The following ANO4 variants were observed in gnomAD, a reference collection of about 807,000 sequenced individuals.
ANO4 encodes anoctamin-4.
A neutral mutation model predicts 141.9 loss-of-function variants in ANO4; 69 were observed. The observed-to-expected ratio is 0.49, with a 90% CI of 0.40 to 0.59. ANO4 has a LOEUF of 0.59. Among genes scored for constraint, ANO4 ranks in the 20% least tolerant of loss-of-function variants. ANO4 has a pLI of 0.00. For synonymous variants in ANO4, 350 were observed against 394.3 expected (o/e 0.89, Z 1.33); for missense variants, 894 against 1,162.2 (o/e 0.77, Z 3.36).
chr12:100,772,962 C>T (rs1272000771), intron 3 of ANO4, among the ~76,000 whole-genome samples: 1 of 152,194 alleles, frequency 6.6e-6, no homozygotes, highest in African/African-American at 2.4e-5. Context: ...TCTTTCTCTC[C>T]TGTTAGAGGT....
intron 14 of ANO4, among the ~76,000 whole-genome samples, chr12:101,065,032 G>A (rs675938): frequency 0.24 from 36,223 of 152,064 alleles, 4,714 homozygotes; most frequent in East Asian, 0.56. Flanking sequence ...TCATCGAAGT[G>A]CAAGAGTATT....
intron 1 of ANO4, among the ~76,000 whole-genome samples, chr12:100,896,426 A>G (rs1299075729): frequency 6.6e-6 from 1 of 151,580 alleles, no homozygotes; most frequent in Non-Finnish European, 1.5e-5. Flanking sequence ...GAAGGAGGCA[A>G]GGAATGGATT....
At chr12:101,020,555 A>C (rs1214368969) in intron 9 of ANO4, among the ~76,000 whole-genome samples, 1 of 152,222 alleles carries the variant, frequency 6.6e-6, no homozygotes, top group East Asian at 1.9e-4. Flanking sequence ...GAGTGAGTTC[A>C]AGCTGAGATT....
At chr12:101,054,194 A>G (rs2047998766) in intron 14 of ANO4, among the ~76,000 whole-genome samples, 1 of 129,670 alleles carries the variant, frequency 7.7e-6, no homozygotes. Flanking sequence ...AGCAGCTATT[A>G]TAAATTGCTC....
chr12:100,871,494 T>G (rs983814490), intron 1 of ANO4, among the ~76,000 whole-genome samples: 5 of 152,254 alleles, frequency 3.3e-5, no homozygotes, highest in African/African-American at 1.2e-4. Flanking sequence ...CCTTCTGTTA[T>G]AGCACTGAGC....
intron 1 of ANO4, among the ~76,000 whole-genome samples, chr12:100,844,409 T>C (rs1438475848): frequency 1.3e-5 from 2 of 152,144 alleles, no homozygotes; most frequent in Non-Finnish European, 2.9e-5. Context: ...CCCTGTGTTC[T>C]TAGGATAATG....
At chr12:100,933,214 C>T (rs1387973733) in intron 3 of ANO4, among the ~76,000 whole-genome samples, 1 of 151,824 alleles carries the variant, frequency 6.6e-6, no homozygotes, top group African/African-American at 2.4e-5. Flanking sequence ...TGGTTTGTTG[C>T]ACCCATCAAC....
chr12:101,085,174 G>T (rs192786849), intron 16 of ANO4, among the ~76,000 whole-genome samples: 2 of 152,298 alleles, frequency 1.3e-5, no homozygotes, highest in African/African-American at 4.8e-5. Flanking sequence ...CTCTAAATCA[G>T]CAGAGGCCTT....
chr12:100,989,975 AGATGGATGGATGGATGGATG>A (rs58082088), intron 8 of ANO4, among the ~76,000 whole-genome samples: 3 of 131,754 alleles, frequency 2.3e-5, no homozygotes, highest in East Asian at 2.5e-4. Flanking sequence ...ATAGGTCACC[AGATGGATGGATGGATGGATG>A]GATGGATGGA....
At chr12:100,810,061 C>G (rs1018940648) in intron 1 of ANO4, among the ~76,000 whole-genome samples, 2 of 151,996 alleles carry the variant, frequency 1.3e-5, no homozygotes, top group Non-Finnish European at 2.9e-5. Context: ...TGGGAAGAGC[C>G]TGATAAGGTG....
rs572532661 is a variant in ANO4 at position 100,985,560 on chromosome 12, C to T, written c.603-1979C>T. ...AGCCAGGATTTGAATCTAGGCATTC[C>T]AGCCCCATAGTTCATGTTGTCAACC... is the stretch of plus-strand genomic sequence containing the variant. On this transcript the variant is annotated intron_variant, in intron 7 of 27. Transcript: ENST00000392977. 5.3e-5 allele frequency among the ~76,000 whole-genome samples: 8 copies of T among 152,274 alleles called. 1 individual carries two copies. The South Asian group carries it at 1.5e-3, about 28-fold the overall frequency.
chr12:100,991,477 G>A (rs539767302), intron 8 of ANO4, among the ~76,000 whole-genome samples: 10 of 140,130 alleles, frequency 7.1e-5, no homozygotes, highest in Admixed American at 4.4e-4. Flanking sequence ...AAGTGTGTTC[G>A]TTAGGGGGTG....
intron 3 of ANO4, among the ~76,000 whole-genome samples, chr12:100,786,976 G>A (rs2135596327): frequency 6.6e-6 from 1 of 152,210 alleles, no homozygotes; most frequent in East Asian, 1.9e-4. Context: ...AGAAAGATAG[G>A]TAAAAACACT....
intron 3 of ANO4, among the ~76,000 whole-genome samples, chr12:100,752,131 C>T (rs992314046): frequency 2.0e-5 from 3 of 152,152 alleles, no homozygotes; most frequent in Non-Finnish European, 2.9e-5. Context: ...AGCTACTTTT[C>T]CTATTAATTA....
At chr12:100,769,696 A>T (rs564301342) in intron 3 of ANO4, among the ~76,000 whole-genome samples, 1 of 152,156 alleles carries the variant, frequency 6.6e-6, no homozygotes, top group Non-Finnish European at 1.5e-5. Context: ...TTCTAGAATG[A>T]TGTATTTTCA....
At chr12:100,751,512 C>T (rs987871164) in intron 3 of ANO4, among the ~76,000 whole-genome samples, 1 of 152,050 alleles carries the variant, frequency 6.6e-6, no homozygotes, top group African/African-American at 2.4e-5. Flanking sequence ...GGAAACTATG[C>T]AGTTTTTGTC....
chr12:101,071,961 C>T (rs1053143449), intron 14 of ANO4, among the ~76,000 whole-genome samples: 3 of 152,126 alleles, frequency 2.0e-5, no homozygotes, highest in African/African-American at 4.8e-5. Flanking sequence ...GCCTTAGTAA[C>T]GTGATGAATT....
intron 9 of ANO4, among the ~76,000 whole-genome samples, chr12:101,024,324 G>T (rs537865144): frequency 6.6e-6 from 1 of 152,170 alleles, no homozygotes; most frequent in Admixed American, 6.5e-5. Flanking sequence ...GGCCAGGCAC[G>T]GTGGCTCATG....
chr12:100,979,791 G>T (rs1215752888), intron 7 of ANO4, among the ~76,000 whole-genome samples: 1 of 151,536 alleles, frequency 6.6e-6, no homozygotes, highest in African/African-American at 2.4e-5. Context: ...GCAGAGGCAC[G>T]ATCTCGGCTC....
Sources: allele counts gnomAD v4.1 joint callset (sites outside exome capture counted in the v4.1 genomes callset), GRCh38; gene constraint gnomAD v4.1.1; transcripts MANE v1.5; gene names NCBI Gene and HGNC (gene_info 2026-07-23, HGNC 2026-07-21).